SCHIP1: variants seen among roughly 807,000 people sequenced by gnomAD.
SCHIP1 encodes schwannomin interacting protein 1, also known as schwannomin-interacting protein 1.
A neutral mutation model predicts 29.7 loss-of-function variants in SCHIP1; 8 were observed. The observed-to-expected ratio is 0.27, with a 90% confidence interval of 0.16 to 0.49. The LOEUF is 0.49. Among genes scored for constraint, SCHIP1 ranks in the 20% least tolerant of loss-of-function variants. SCHIP1 has a pLI of 0.99. For synonymous variants in SCHIP1, 76 were observed against 94.9 expected (o/e 0.80, Z 1.16); for missense variants, 193 against 294.6 (o/e 0.66, Z 2.52).
the SCHIP1 span, among the ~76,000 whole-genome samples, chr3:159,425,687 T>A: frequency 2.0e-5 from 3 of 152,178 alleles, no homozygotes; most frequent in South Asian, 6.2e-4. Context: ...CTGCACCAAG[T>A]GGACCTAATA....
At chr3:159,876,441 G>T (rs1314834620) in intron 2 of SCHIP1, among the ~76,000 whole-genome samples, 1 of 152,180 alleles carries the variant, frequency 6.6e-6, no homozygotes, top group East Asian at 1.9e-4. Context: ...GGTAATAATT[G>T]TGCCTACTTC....
chr3:159,273,553 G>T, the SCHIP1 span: 1 of 1,229,468 alleles, frequency 8.1e-7, no homozygotes, highest in Non-Finnish European at 1.0e-6. Flanking sequence ...AAGAACACTG[G>T]CAAAAATCAG....
chr3:159,392,606 T>TC, the SCHIP1 span, among the ~76,000 whole-genome samples: 1 of 152,054 alleles, frequency 6.6e-6, no homozygotes, highest in Non-Finnish European at 1.5e-5. Context: ...AATGATGATT[T>TC]CCAATTTCAT....
At chr3:159,551,805 G>T in the SCHIP1 span, among the ~76,000 whole-genome samples, 1 of 152,198 alleles carries the variant, frequency 6.6e-6, no homozygotes. Flanking sequence ...AAATTGATCT[G>T]CATTATGTTG....
chr3:159,854,485 G>A lies in SCHIP1; in HGVS notation c.31-11678G>A, dbSNP rs147967728. ...TCCACAAGCTGAAACTTAAATATGT[G>A]AAAGCGGTTTCAGTAACCTGCCATG... is the stretch of plus-strand genomic sequence containing the variant. On this transcript the variant is annotated intron_variant, in intron 1 of 6. Coordinates refer to ENST00000445224, the Ensembl canonical transcript of SCHIP1. 6.0e-3 allele frequency among the ~76,000 whole-genome samples: 910 copies of A among 152,284 alleles called. 10 individuals carry two copies. Among genetic ancestry groups the A allele is most frequent in the African/African-American group, 0.02 (847 of 41,558 alleles).
At chr3:159,850,335 C>T (rs1712422664) in intron 1 of SCHIP1, among the ~76,000 whole-genome samples, 1 of 152,048 alleles carries the variant, frequency 6.6e-6, no homozygotes, top group African/African-American at 2.4e-5. Flanking sequence ...GGGTGGATCA[C>T]CTGAGGTCAG....
the SCHIP1 span, among the ~76,000 whole-genome samples, chr3:159,349,507 G>A: frequency 6.6e-6 from 1 of 152,116 alleles, no homozygotes; most frequent in African/African-American, 2.4e-5. Context: ...ATTATTCTCT[G>A]AATTCAGGGA....
At chr3:159,830,833 T>C in the SCHIP1 span, among the ~76,000 whole-genome samples, 1 of 152,216 alleles carries the variant, frequency 6.6e-6, no homozygotes, top group Non-Finnish European at 1.5e-5. Context: ...CTATTTAAAA[T>C]GCAAGGCAAG....
the SCHIP1 span, among the ~76,000 whole-genome samples, chr3:159,475,460 T>G: frequency 6.6e-6 from 1 of 151,964 alleles, no homozygotes; most frequent in Admixed American, 6.6e-5. Flanking sequence ...AGGTATAGGG[T>G]TTTTTTGGCA....
the SCHIP1 span, among the ~76,000 whole-genome samples, chr3:159,800,067 A>G: frequency 6.6e-6 from 1 of 152,214 alleles, no homozygotes; most frequent in Non-Finnish European, 1.5e-5. Flanking sequence ...TTCCCCACAT[A>G]TTAATTGAGT....
the SCHIP1 span, among the ~76,000 whole-genome samples, chr3:159,633,561 C>G: frequency 5.9e-5 from 9 of 152,158 alleles, no homozygotes; most frequent in African/African-American, 2.2e-4. Flanking sequence ...TGACATCAGA[C>G]TCTTCAATAG....
chr3:159,349,253 T>A, the SCHIP1 span, among the ~76,000 whole-genome samples: 1 of 152,204 alleles, frequency 6.6e-6, no homozygotes, highest in Non-Finnish European at 1.5e-5. Flanking sequence ...TTTTCACCCA[T>A]GTCGTGCAAG....
the SCHIP1 span, among the ~76,000 whole-genome samples, chr3:159,737,738 G>T: frequency 3.0e-4 from 45 of 152,242 alleles, no homozygotes; most frequent in African/African-American, 9.9e-4. Flanking sequence ...TGATTCCAGG[G>T]CTGGCAAATA....
chr3:159,378,600 C>T, the SCHIP1 span, among the ~76,000 whole-genome samples: 1 of 152,146 alleles, frequency 6.6e-6, no homozygotes, highest in Non-Finnish European at 1.5e-5. Flanking sequence ...CTCCTGACTC[C>T]CTTGTTTTTA....
At chr3:159,769,745 C>T in the SCHIP1 span, among the ~76,000 whole-genome samples, 1 of 151,958 alleles carries the variant, frequency 6.6e-6, no homozygotes, top group African/African-American at 2.4e-5. Context: ...AGTGAAGCTT[C>T]GTCTCAAAAA....
At chr3:159,350,321 G>A in the SCHIP1 span, among the ~76,000 whole-genome samples, 1 of 152,008 alleles carries the variant, frequency 6.6e-6, no homozygotes, top group Non-Finnish European at 1.5e-5. Context: ...TATGGCATAG[G>A]CTTAATTCTT....
At chr3:159,757,350 A>T in the SCHIP1 span, among the ~76,000 whole-genome samples, 1 of 152,212 alleles carries the variant, frequency 6.6e-6, no homozygotes, top group Non-Finnish European at 1.5e-5. Context: ...TTTTAAAACC[A>T]TCAGATCTCA....
the SCHIP1 span, among the ~76,000 whole-genome samples, chr3:159,391,058 T>C: frequency 6.6e-6 from 1 of 152,146 alleles, no homozygotes. Flanking sequence ...TTATACAGTA[T>C]TTTATGAAAA....
chr3:159,648,303 C>G, the SCHIP1 span, among the ~76,000 whole-genome samples: 18 of 152,262 alleles, frequency 1.2e-4, no homozygotes, highest in Middle Eastern at 3.4e-3. Context: ...GAAATAGCAT[C>G]ATGATTGAGA....
Sources: allele counts gnomAD v4.1 joint callset (sites outside exome capture counted in the v4.1 genomes callset), GRCh38; gene constraint gnomAD v4.1.1; transcripts MANE v1.5; gene names NCBI Gene and HGNC (gene_info 2026-07-23, HGNC 2026-07-21).